The following MCPH1 variants were observed in gnomAD, a reference collection of about 807,000 sequenced individuals.
The protein encoded by MCPH1 is microcephalin 1.
MCPH1 carries 104 observed loss-of-function variants against 84.5 expected under a neutral mutation model. The observed-to-expected ratio is 1.23, with a 90% CI of 1.05 to 1.45. MCPH1 has a LOEUF of 1.45. Ranked by LOEUF, MCPH1 falls within the 40% of genes most tolerant of loss-of-function variation. MCPH1 has a pLI of 0.00. For missense variants in MCPH1, 1,498 were observed against 1,005.7 expected (o/e 1.49, Z -6.62); for synonymous variants, 514 against 366.8 (o/e 1.40, Z -4.58).
At chr8:6,429,991 C>T (rs1326369627) in intron 3 of MCPH1, among the ~76,000 whole-genome samples, 1 of 152,186 alleles carries the variant, frequency 6.6e-6, no homozygotes, top group Non-Finnish European at 1.5e-5. Context: ...TTCACTCAGT[C>T]ATACAAATGG....
At chr8:6,640,747 C>G (rs1053535833) in intron 13 of MCPH1, among the ~76,000 whole-genome samples, 1 of 152,180 alleles carries the variant, frequency 6.6e-6, no homozygotes, top group South Asian at 2.1e-4. Flanking sequence ...CTTAGAAAGG[C>G]CTTCCTCACC....
intron 12 of MCPH1, among the ~76,000 whole-genome samples, chr8:6,547,818 G>A (rs1822878845): frequency 6.6e-6 from 1 of 152,112 alleles, no homozygotes; most frequent in African/African-American, 2.4e-5. Flanking sequence ...CCGGAAGAAG[G>A]GAGCCGTGGC....
chr8:6,494,867 C>T (rs779656229), intron 11 of MCPH1, among the ~76,000 whole-genome samples: 4 of 152,140 alleles, frequency 2.6e-5, no homozygotes, highest in Non-Finnish European at 4.4e-5. Flanking sequence ...CATTGAATTG[C>T]ACACTTTAAA....
chr8:6,617,154 G>C (rs1275375347), intron 12 of MCPH1: 1 of 149,114 alleles, frequency 6.7e-6, no homozygotes, highest in African/African-American at 2.5e-5. Flanking sequence ...CATTAAATGT[G>C]TTCTTCGGAT....
At chr8:6,502,064 C>T (rs1211084116) in intron 12 of MCPH1, 1 of 151,726 alleles carries the variant, frequency 6.6e-6, no homozygotes, top group Non-Finnish European at 1.5e-5. Flanking sequence ...CTTTTCTCAA[C>T]CAGAAATTAA....
rs1261450335 is a variant in MCPH1, at chr8:6,611,878, A to G, written c.2215-9576A>G. On this transcript the variant is annotated intron_variant, in intron 12 of 13. Coordinates refer to ENST00000344683, the MANE Select transcript of MCPH1 (RefSeq NM_024596.5). ...CGTGATCCACCCACCTCGGCCTCCC[A>G]AAGTGCTGGGATTACAGGCGTGAGC... is the stretch of plus-strand genomic sequence containing the variant. Among the ~76,000 whole-genome samples the G allele has an allele frequency of 3.9e-5, 6 of 152,156 alleles. No homozygotes were observed. In the South Asian group the frequency reaches 6.2e-4, roughly 16 times the overall value.
intron 11 of MCPH1, among the ~76,000 whole-genome samples, chr8:6,496,263 A>C (rs550665086): frequency 6.6e-6 from 1 of 152,162 alleles, no homozygotes; most frequent in Non-Finnish European, 1.5e-5. Context: ...TGCACAGTTC[A>C]CAATAGGGTT....
intron 12 of MCPH1, among the ~76,000 whole-genome samples, chr8:6,509,914 C>T (rs905686684): frequency 1.3e-5 from 2 of 152,126 alleles, no homozygotes. Context: ...GGCTCGCTGC[C>T]GCTGCCTGGC....
intron 11 of MCPH1, among the ~76,000 whole-genome samples, chr8:6,482,821 A>G (rs1193883744): frequency 1.3e-5 from 2 of 152,194 alleles, no homozygotes; most frequent in Non-Finnish European, 2.9e-5. Flanking sequence ...TGGGCATTAA[A>G]ACACATTATT....
At chr8:6,626,615 T>C (rs891369522) in intron 13 of MCPH1, 2 of 984,992 alleles carry the variant, frequency 2.0e-6, no homozygotes, top group Non-Finnish European at 2.4e-6. Context: ...TAATACATAT[T>C]ATATTTGAAA....
At chr8:6,561,989 A>C (rs897519904) in intron 12 of MCPH1, among the ~76,000 whole-genome samples, 1 of 152,144 alleles carries the variant, frequency 6.6e-6, no homozygotes, top group Non-Finnish European at 1.5e-5. Context: ...GCTGGAACTG[A>C]CGGGGGCTGC....
intron 9 of MCPH1, among the ~76,000 whole-genome samples, chr8:6,461,237 G>A (rs1208175698): frequency 6.6e-6 from 1 of 151,100 alleles, no homozygotes; most frequent in East Asian, 1.9e-4. Context: ...CATTTTTAAT[G>A]GCAAAAATCA....
chr8:6,569,628 G>A (rs932646429), intron 12 of MCPH1, among the ~76,000 whole-genome samples: 1 of 152,234 alleles, frequency 6.6e-6, no homozygotes, highest in East Asian at 1.9e-4. Flanking sequence ...TCAAGGCTCC[G>A]TGAAGAGAGA....
chr8:6,587,054 C>T (rs1298133362), intron 12 of MCPH1, among the ~76,000 whole-genome samples: 1 of 152,002 alleles, frequency 6.6e-6, no homozygotes, highest in East Asian at 1.9e-4. Context: ...ACCTCTGCTT[C>T]CACTTCTCGG....
intron 13 of MCPH1, among the ~76,000 whole-genome samples, chr8:6,633,365 G>C (rs1465430544): frequency 6.6e-6 from 1 of 152,162 alleles, no homozygotes; most frequent in Non-Finnish European, 1.5e-5. Flanking sequence ...GAAATCTTTA[G>C]CATTTGTATA....
At chr8:6,455,962 A>G (rs1009934130) in intron 9 of MCPH1, among the ~76,000 whole-genome samples, 1 of 152,316 alleles carries the variant, frequency 6.6e-6, no homozygotes, top group East Asian at 1.9e-4. Flanking sequence ...ATGGGTCTGC[A>G]TGGGGCTTCC....
At chr8:6,570,156 G>A (rs1352604716) in intron 12 of MCPH1, among the ~76,000 whole-genome samples, 1 of 152,216 alleles carries the variant, frequency 6.6e-6, no homozygotes, top group African/African-American at 2.4e-5. Flanking sequence ...TTCATCCAAT[G>A]TGGATCGCTG....
chr8:6,536,971 A>AG (rs200200091), intron 12 of MCPH1, among the ~76,000 whole-genome samples: 2,745 of 144,024 alleles, frequency 0.019, 91 homozygotes, highest in African/African-American at 0.066. Context: ...TCTTAGTACA[A>AG]GAAAAAAAAA....
chr8:6,527,074 C>T (rs942859022), intron 12 of MCPH1, among the ~76,000 whole-genome samples: 1 of 152,150 alleles, frequency 6.6e-6, no homozygotes, highest in African/African-American at 2.4e-5. Flanking sequence ...AAGCTAAGTC[C>T]CCAAGGGCAA....
Sources: allele counts gnomAD v4.1 joint callset (sites outside exome capture counted in the v4.1 genomes callset), GRCh38; gene constraint gnomAD v4.1.1; transcripts MANE v1.5; gene names NCBI Gene and HGNC (gene_info 2026-07-23, HGNC 2026-07-21).